DGLUCY: variants seen among roughly 807,000 people sequenced by gnomAD.
The protein encoded by DGLUCY is D-glutamate cyclase, mitochondrial.
Under a neutral mutation model 58.5 loss-of-function variants are expected in DGLUCY, and 58 were observed. The observed-to-expected ratio is 0.99, with a 90% CI of 0.80 to 1.23. The LOEUF is 1.23. Among genes scored for constraint, DGLUCY ranks in the 50% most tolerant of loss-of-function variants. The pLI, the probability that DGLUCY is intolerant of heterozygous loss-of-function variation, is 0.00. For missense variants in DGLUCY, 779 were observed against 784.7 expected (o/e 0.99, Z 0.09); for synonymous variants, 325 against 314.1 (o/e 1.03, Z -0.37).
chr14:91,142,125 C>T (rs1379649487), intron 1 of DGLUCY, among the ~76,000 whole-genome samples: 2 of 152,174 alleles, frequency 1.3e-5, no homozygotes, highest in East Asian at 1.9e-4. Context: ...GGATTACAGG[C>T]GTGAGCCATC....
At chr14:91,117,498 T>A (rs1428266616) in intron 1 of DGLUCY, among the ~76,000 whole-genome samples, 1 of 152,182 alleles carries the variant, frequency 6.6e-6, no homozygotes, top group Non-Finnish European at 1.5e-5. Context: ...CTATGAGTCT[T>A]TAGGCAAAGT....
chr14:91,209,047 C>G (rs1486427360), intron 12 of DGLUCY, among the ~76,000 whole-genome samples: 4 of 152,158 alleles, frequency 2.6e-5, no homozygotes, highest in Non-Finnish European at 5.9e-5. Flanking sequence ...GGCGCAGTGG[C>G]TCACACCTGT....
chr14:91,199,859 C>A lies in DGLUCY; in HGVS notation c.1398C>A (p.Asp466Glu), dbSNP rs769644379. 1 of 1,613,988 alleles carries A rather than the reference C, an allele frequency of 6.2e-7. No individual in the cohort carries two copies. Among genetic ancestry groups the A allele is most frequent in the East Asian group, 2.2e-5 (1 of 44,892 alleles). Reference protein sequence around the residue: ...MNIKHLVDPIDDLFLAAKKIP... With the variant: ...MNIKHLVDPIEDLFLAAKKIP... ...TCAAGCACTTGGTTGACCCCATTGA[C>A]GATCTTTTTCTTGCTGCGAAGAAGA... Residue 466 changes from aspartate to glutamate, a missense_variant, in exon 11 of 14, where the codon GAC becomes GAA. Asp to Glu is a conservative substitution (Grantham distance 45). Coordinates refer to ENST00000256324, the MANE Select transcript of DGLUCY (RefSeq NM_001102368.3).
At chr14:91,145,810 G>A (rs113213516) in intron 1 of DGLUCY, among the ~76,000 whole-genome samples, 9 of 152,256 alleles carry the variant, frequency 5.9e-5, no homozygotes, top group African/African-American at 1.7e-4. Flanking sequence ...CATGGAGGCC[G>A]AGGTCACAGC....
At chr14:91,161,467 G>T (rs2047977559) in intron 3 of DGLUCY, among the ~76,000 whole-genome samples, 1 of 152,288 alleles carries the variant, frequency 6.6e-6, no homozygotes. Context: ...GTTCCATGTG[G>T]TGTCTGTTGG....
upstream of DGLUCY, among the ~76,000 whole-genome samples, chr14:91,104,361 C>G (rs181009037): frequency 8.7e-4 from 132 of 152,206 alleles, no homozygotes; most frequent in Middle Eastern, 3.4e-3. Context: ...CGCGCCCGGC[C>G]GAGAACATTC....
intron 1 of DGLUCY, among the ~76,000 whole-genome samples, chr14:91,128,123 C>A (rs557730442): frequency 6.6e-6 from 1 of 152,020 alleles, no homozygotes; most frequent in South Asian, 2.1e-4. Context: ...ATTTGCAAAA[C>A]CCTGCTCCTG....
chr14:91,092,145 A>G (rs920008278), intron 1 of DGLUCY, among the ~76,000 whole-genome samples: 1 of 152,202 alleles, frequency 6.6e-6, no homozygotes, highest in Non-Finnish European at 1.5e-5. Flanking sequence ...ACTTCAGCCC[A>G]TGTTAATTTC....
chr14:91,153,781 CAG>C (rs2047454598), intron 1 of DGLUCY, among the ~76,000 whole-genome samples: 2 of 152,218 alleles, frequency 1.3e-5, no homozygotes, highest in African/African-American at 2.4e-5. Context: ...GTATCTAAGA[CAG>C]AGCTCAATCA....
chr14:91,110,579 C>T (rs749189097), upstream of DGLUCY, among the ~76,000 whole-genome samples: 4 of 151,690 alleles, frequency 2.6e-5, no homozygotes, highest in Non-Finnish European at 5.9e-5. Flanking sequence ...TACAGGCGCC[C>T]GCCACCATGC....
chr14:91,154,933 T>C (rs2047534160), intron 1 of DGLUCY, among the ~76,000 whole-genome samples: 1 of 152,146 alleles, frequency 6.6e-6, no homozygotes, highest in Admixed American at 6.6e-5. Flanking sequence ...TCCTGCCTTG[T>C]GTCAGGCTCT....
chr14:91,144,209 T>C (rs1400461952), intron 1 of DGLUCY, among the ~76,000 whole-genome samples: 1 of 152,228 alleles, frequency 6.6e-6, no homozygotes, highest in Admixed American at 6.5e-5. Flanking sequence ...AGGGTGTTTC[T>C]GGTTTCAGGA....
intron 8 of DGLUCY, among the ~76,000 whole-genome samples, chr14:91,182,010 T>G (rs1465487533): frequency 6.6e-6 from 1 of 151,952 alleles, no homozygotes; most frequent in African/African-American, 2.4e-5. Context: ...AGATGGAGTC[T>G]CACTCTGTTG....
intron 3 of DGLUCY, among the ~76,000 whole-genome samples, 164 bp from the exon 4 acceptor site, chr14:91,167,061 C>A (rs566789963): frequency 1.3e-5 from 2 of 152,036 alleles, no homozygotes; most frequent in African/African-American, 4.8e-5. Flanking sequence ...ATTGCTTGAA[C>A]CCAGGAGGCG....
chr14:91,061,282 A>G (rs1305022154), intron 1 of DGLUCY, among the ~76,000 whole-genome samples: 2 of 152,184 alleles, frequency 1.3e-5, no homozygotes, highest in African/African-American at 4.8e-5. Context: ...TAAATAACAG[A>G]TAGTTCTTAA....
Position 91,181,355 on chromosome 14 carries a change from C to T in DGLUCY, c.900C>T (p.Ile300=). ...CGTCAGTCTCTGCTTCTCAGAAGAT[C>T]AGAGAACTAGAGTCTATGATCGGCA... The part of the protein sequence containing the change: ...SIASVSASQK[I]RELESMIGID... Residue 300 remains isoleucine (I), a synonymous_variant, in exon 8 of 14, where the codon ATC becomes ATT. Transcript: ENST00000256324. The T allele has an allele frequency of 1.2e-6, 2 of 1,613,990 alleles. No homozygotes were observed. Among genetic ancestry groups the T allele is most frequent in the Admixed American group, 3.3e-5 (2 of 60,008 alleles).
chr14:91,222,530 CAT>C (rs2140801788), intron 13 of DGLUCY, among the ~76,000 whole-genome samples: 1 of 152,346 alleles, frequency 6.6e-6, no homozygotes, highest in South Asian at 2.1e-4. Context: ...ACAAAGGACA[CAT>C]GTGAAAGTGG....
chr14:91,206,440 T>C (rs1259139771), intron 12 of DGLUCY, among the ~76,000 whole-genome samples: 1 of 152,118 alleles, frequency 6.6e-6, no homozygotes, highest in Non-Finnish European at 1.5e-5. Flanking sequence ...TGGAGTGCAG[T>C]GGCACGATCT....
intron 9 of DGLUCY, among the ~76,000 whole-genome samples, chr14:91,194,821 G>A (rs2050109416): frequency 6.6e-6 from 1 of 152,160 alleles, no homozygotes; most frequent in Non-Finnish European, 1.5e-5. Context: ...TTACAGGTGT[G>A]AGCTACGTGC....
Sources: gnomAD v4.1 joint callset for allele counts (sites outside exome capture counted in the v4.1 genomes callset) on GRCh38, gnomAD v4.1.1 for gene constraint, MANE v1.5 for transcripts, NCBI Gene and HGNC (gene_info 2026-07-23, HGNC 2026-07-21) for gene names.